Variants in GSTCD observed in about 807,000 individuals in gnomAD.
The protein encoded by GSTCD is glutathione S-transferase C-terminal domain-containing protein.
A neutral mutation model predicts 68.3 loss-of-function variants in GSTCD; 44 were observed. The ratio of observed to expected loss-of-function variants is 0.64; its 90% CI spans 0.51 to 0.83. The LOEUF (loss-of-function observed/expected upper bound fraction) is 0.83, where lower values mean the gene tolerates loss of function less well. Among genes scored for constraint, GSTCD ranks in the 40% least tolerant of loss-of-function variants. The pLI, the probability that GSTCD is intolerant of heterozygous loss-of-function variation, is 0.00. For missense variants in GSTCD, 739 were observed against 735.9 expected (o/e 1.00, Z -0.05); for synonymous variants, 273 against 255.2 (o/e 1.07, Z -0.67).
intron 5 of GSTCD, among the ~76,000 whole-genome samples, chr4:105,763,651 A>G (rs955730380): frequency 6.6e-6 from 1 of 152,178 alleles, no homozygotes; most frequent in Non-Finnish European, 1.5e-5. Context: ...TTATTTTAGT[A>G]CCAAAGGAGT....
chr4:105,807,985 T>C (rs1722590037), intron 5 of GSTCD, among the ~76,000 whole-genome samples: 1 of 152,096 alleles, frequency 6.6e-6, no homozygotes, highest in African/African-American at 2.4e-5. Flanking sequence ...CATGTATCAG[T>C]TTTCCTTCTT....
At chr4:105,733,178 G>C (rs1733317440) in intron 5 of GSTCD, among the ~76,000 whole-genome samples, 1 of 152,166 alleles carries the variant, frequency 6.6e-6, no homozygotes, top group African/African-American at 2.4e-5. Context: ...ATTTGGGATG[G>C]AGAGTTCTGT....
In GSTCD at chr4:105,814,379, G is replaced by A. The variant is rs28394703; in HGVS notation, c.1241-8575G>A. 3.7e-3 allele frequency among the ~76,000 whole-genome samples: 557 copies of A among 152,208 alleles called. 5 individuals are homozygous for A. The highest frequency in any genetic ancestry group is 0.012 in the African/African-American group (508 of 41,532). ...TGTAATCCCAGCACTTTGGGAGGCC[G>A]AGGCTGTTGGATCACCTGAGGTCAG... On this transcript the variant is annotated intron_variant, in intron 5 of 11. Transcript: ENST00000515279.
intron 5 of GSTCD, among the ~76,000 whole-genome samples, chr4:105,788,350 C>G (rs1010649298): frequency 2.0e-5 from 3 of 151,998 alleles, no homozygotes; most frequent in Admixed American, 6.6e-5. Flanking sequence ...TTCCCAAAGT[C>G]ACAAAGTTAA....
At position 105,828,795 on chromosome 4, in the gene GSTCD, G is replaced by A. The variant is rs1270655194; in HGVS notation, c.1530+2995G>A. ...ATTCAGAGCATCAGAAACCTCAGAGGAAATGAATAGGGAGGGACTGAAATC... is the reference window on the plus strand; with the variant it reads ...ATTCAGAGCATCAGAAACCTCAGAGAAAATGAATAGGGAGGGACTGAAATC... On this transcript the variant is annotated intron_variant, in intron 8 of 11. Transcript: ENST00000515279. Among the ~76,000 whole-genome samples the A allele has an allele frequency of 2.6e-5, 4 of 152,108 alleles. No individual in the cohort carries two copies. In the East Asian group the frequency reaches 7.7e-4, roughly 29 times the overall value.
chr4:105,727,392 C>T (rs1273407080), intron 4 of GSTCD, among the ~76,000 whole-genome samples: 4 of 151,846 alleles, frequency 2.6e-5, no homozygotes, highest in African/African-American at 9.7e-5. Flanking sequence ...GGTGTGGTGG[C>T]ACGTGCCTGT....
chr4:105,726,650 T>G lies in GSTCD; in HGVS notation c.966T>G (p.Ile322Met). ...TGCTAGCCTCTTGGTACCAGAGGAT[T>G]CAGGAAGTGCCAGGAGTAAAAACAG... The part of the protein sequence containing the change: ...FPLLASWYQR[I>M]QEVPGVKTAA... The change falls in exon 4 of 12, where the codon ATT becomes ATG. Residue 322 changes from isoleucine (I) to methionine (M), a missense_variant. Ile to Met is a conservative substitution (Grantham distance 10). Coordinates refer to ENST00000515279, the MANE Select transcript of GSTCD (RefSeq NM_001370181.1). 1 of 1,613,628 alleles carries G rather than the reference T, an allele frequency of 6.2e-7. No individual in the cohort carries two copies. The highest frequency in any genetic ancestry group is 8.5e-7 in the Non-Finnish European group (1 of 1,179,682).
In GSTCD at chr4:105,742,724, T is replaced by A. The variant is rs1251935925; in HGVS notation, c.1240+13225T>A. Among the ~76,000 whole-genome samples, 6 of 98,656 alleles carry A rather than the reference T, an allele frequency of 6.1e-5. No individual in the cohort carries two copies. In the South Asian group the frequency reaches 1.5e-3, roughly 24 times the overall value. 64.7% of individuals were successfully genotyped at this position (98,656 alleles called of 152,430 possible). A position where few individuals can be genotyped will look rare whatever the true frequency, so the allele number is the denominator to read the frequency against. Reference sequence around the variant, plus strand: ...TGTTTTTACTTTTTTTTTTTTTTTTTATTTCTTAGAGACATGGTCTCACTC... The same window carrying A: ...TGTTTTTACTTTTTTTTTTTTTTTTAATTTCTTAGAGACATGGTCTCACTC... On this transcript the variant is annotated intron_variant, in intron 5 of 11. Coordinates refer to ENST00000515279, the MANE Select transcript of GSTCD (RefSeq NM_001370181.1).
At chr4:105,821,727 T>C (rs1401512251) in intron 5 of GSTCD, among the ~76,000 whole-genome samples, 4 of 151,942 alleles carry the variant, frequency 2.6e-5, no homozygotes, top group Non-Finnish European at 5.9e-5. Context: ...GAAAGATATT[T>C]ACAATATTTC....
chr4:105,797,760 CTTTTTTTTT>C (rs70941218), intron 5 of GSTCD, among the ~76,000 whole-genome samples: 3 of 84,952 alleles, frequency 3.5e-5, no homozygotes, highest in African/African-American at 9.5e-5. Flanking sequence ...CACAATAGAA[CTTTTTTTTT>C]TTTTTTTTTT....
intron 5 of GSTCD, among the ~76,000 whole-genome samples, chr4:105,801,449 A>G (rs567546612): frequency 1.3e-5 from 2 of 152,284 alleles, no homozygotes; most frequent in South Asian, 4.1e-4. Context: ...ACGTTGTTAA[A>G]TGAATTTTAT....
chr4:105,788,179 A>C (rs868766607), intron 5 of GSTCD, among the ~76,000 whole-genome samples: 2 of 152,116 alleles, frequency 1.3e-5, no homozygotes, highest in African/African-American at 4.8e-5. Flanking sequence ...ATACTTTATA[A>C]GGATGGCCCA....
intron 5 of GSTCD, among the ~76,000 whole-genome samples, chr4:105,731,957 G>A (rs1733258752): frequency 6.6e-6 from 1 of 152,082 alleles, no homozygotes; most frequent in South Asian, 2.1e-4. Flanking sequence ...TAATCATGTG[G>A]TTTTTGTCTT....
At chr4:105,736,500 T>C (rs1733468737) in intron 5 of GSTCD, among the ~76,000 whole-genome samples, 1 of 152,208 alleles carries the variant, frequency 6.6e-6, no homozygotes, top group East Asian at 1.9e-4. Flanking sequence ...GTGCATATTT[T>C]TGGGGAACAG....
At chr4:105,797,650 T>G (rs1206971723) in intron 5 of GSTCD, among the ~76,000 whole-genome samples, 1 of 152,084 alleles carries the variant, frequency 6.6e-6, no homozygotes, top group Non-Finnish European at 1.5e-5. Flanking sequence ...TGTGGCAAAT[T>G]GTTAAAATAA....
intron 5 of GSTCD, among the ~76,000 whole-genome samples, chr4:105,777,621 TA>T (rs1361750445): frequency 6.6e-6 from 1 of 152,206 alleles, no homozygotes; most frequent in African/African-American, 2.4e-5. Flanking sequence ...AGGCAGGAAG[TA>T]GCTTAAAAGC....
chr4:105,757,820 A>T (rs1258364930), intron 5 of GSTCD, among the ~76,000 whole-genome samples: 1 of 152,212 alleles, frequency 6.6e-6, no homozygotes, highest in African/African-American at 2.4e-5. Context: ...TTGAATGCCT[A>T]TAGAATATGA....
chr4:105,795,653 G>T (rs1266156661), intron 5 of GSTCD, among the ~76,000 whole-genome samples: 2 of 152,096 alleles, frequency 1.3e-5, no homozygotes, highest in African/African-American at 4.8e-5. Flanking sequence ...CAATTGGCTA[G>T]ATCCAAGTAG....
intron 5 of GSTCD, among the ~76,000 whole-genome samples, chr4:105,739,837 G>C (rs1409854927): frequency 6.6e-6 from 1 of 152,162 alleles, no homozygotes; most frequent in South Asian, 2.1e-4. Flanking sequence ...CAGTCCCCTA[G>C]GAGCAGGTGC....
Sources: gnomAD v4.1 joint callset for allele counts (sites outside exome capture counted in the v4.1 genomes callset) on GRCh38, gnomAD v4.1.1 for gene constraint, MANE v1.5 for transcripts, NCBI Gene and HGNC (gene_info 2026-07-23, HGNC 2026-07-21) for gene names.